PTPRN2: variants seen among roughly 807,000 people sequenced by gnomAD.
The protein encoded by PTPRN2 is receptor-type tyrosine-protein phosphatase N2.
PTPRN2 carries 74 observed loss-of-function variants against 118.8 expected under a neutral mutation model. The ratio of observed to expected loss-of-function variants is 0.62; its 90% CI spans 0.52 to 0.76. The LOEUF is 0.76. Ranked by LOEUF, PTPRN2 falls within the 30% of genes least tolerant of loss-of-function variation. PTPRN2 has a pLI of 0.00. For missense variants in PTPRN2, 1,481 were observed against 1,394.4 expected (o/e 1.06, Z -0.99); for synonymous variants, 641 against 608.0 (o/e 1.05, Z -0.80).
At chr7:158,053,781 A>G (rs1436080478) in intron 11 of PTPRN2, among the ~76,000 whole-genome samples, 1 of 150,684 alleles carries the variant, frequency 6.6e-6, no homozygotes, top group Non-Finnish European at 1.5e-5. Flanking sequence ...CCAGAAATGC[A>G]GAGACTCCAG....
intron 11 of PTPRN2, among the ~76,000 whole-genome samples, chr7:158,076,745 C>T (rs1267260028): frequency 1.3e-5 from 2 of 152,200 alleles, no homozygotes; most frequent in Non-Finnish European, 2.9e-5. Context: ...GCCAGCTTCT[C>T]TGTGGAGCCT....
chr7:157,947,170 G>C (rs935220881), intron 11 of PTPRN2, among the ~76,000 whole-genome samples: 1 of 151,664 alleles, frequency 6.6e-6, no homozygotes, highest in African/African-American at 2.4e-5. Context: ...TGTCAAAGGG[G>C]TACTTCTTCC....
At chr7:158,384,965 C>T (rs930346954) in intron 2 of PTPRN2, among the ~76,000 whole-genome samples, 2 of 152,124 alleles carry the variant, frequency 1.3e-5, no homozygotes, top group Middle Eastern at 3.4e-3. Context: ...ATCACCTGCC[C>T]GCCCCCACAG....
intron 2 of PTPRN2, among the ~76,000 whole-genome samples, chr7:158,366,083 GCACA>G (rs751087936): frequency 1.2e-5 from 1 of 84,656 alleles, no homozygotes; most frequent in Non-Finnish European, 2.3e-5. Flanking sequence ...ACACACACAC[GCACA>G]CACACACAGC....
intron 11 of PTPRN2, among the ~76,000 whole-genome samples, chr7:158,055,059 T>C (rs550985544): frequency 1.3e-5 from 2 of 152,312 alleles, no homozygotes; most frequent in South Asian, 2.1e-4. Context: ...TAATAAAATA[T>C]GTAAAATAAG....
intron 12 of PTPRN2, among the ~76,000 whole-genome samples, chr7:157,717,249 C>T (rs1011256199): frequency 1.8e-4 from 27 of 152,270 alleles, no homozygotes; most frequent in African/African-American, 5.1e-4. Context: ...CACTTATTCA[C>T]GGTCCTGAAC....
chr7:157,701,557 C>T (rs1798066157), intron 12 of PTPRN2, among the ~76,000 whole-genome samples: 1 of 152,182 alleles, frequency 6.6e-6, no homozygotes, highest in Non-Finnish European at 1.5e-5. Context: ...TCCGGCAGCT[C>T]CAGATGCACC....
chr7:158,490,659 C>T (rs1821383220), intron 1 of PTPRN2, among the ~76,000 whole-genome samples: 1 of 152,234 alleles, frequency 6.6e-6, no homozygotes, highest in South Asian at 2.1e-4. Context: ...GGAGTCGCAC[C>T]GCCAGCAAAG....
intron 3 of PTPRN2, among the ~76,000 whole-genome samples, chr7:158,290,925 A>T (rs571120152): frequency 2.0e-5 from 3 of 152,294 alleles, no homozygotes; most frequent in African/African-American, 7.2e-5. Context: ...ACGAATGTTG[A>T]CTATGTGACT....
chr7:158,009,626 C>T (rs1805898834), intron 11 of PTPRN2, among the ~76,000 whole-genome samples: 4 of 152,150 alleles, frequency 2.6e-5, no homozygotes, highest in Admixed American at 2.0e-4. Context: ...AAAACCACGA[C>T]ATCAAGCTGA....
intron 2 of PTPRN2, among the ~76,000 whole-genome samples, chr7:158,485,014 G>A (rs1820903976): frequency 6.6e-6 from 1 of 152,036 alleles, no homozygotes; most frequent in Non-Finnish European, 1.5e-5. Context: ...CGCTGTTGCT[G>A]TGGCCCCGGC....
At chr7:157,592,007 C>T (rs2150556834) in intron 17 of PTPRN2, among the ~76,000 whole-genome samples, 1 of 152,300 alleles carries the variant, frequency 6.6e-6, no homozygotes, top group Admixed American at 6.5e-5. Flanking sequence ...GCCATGAGCT[C>T]TTGTCTTAGA....
chr7:158,519,466 G>A (rs1276577590), intron 1 of PTPRN2, among the ~76,000 whole-genome samples: 1 of 152,188 alleles, frequency 6.6e-6, no homozygotes, highest in African/African-American at 2.4e-5. Flanking sequence ...ATCTGCAGGT[G>A]GCTCTCAGGG....
intron 2 of PTPRN2, among the ~76,000 whole-genome samples, chr7:158,333,717 C>A (rs1463854772): frequency 1.4e-5 from 2 of 147,028 alleles, no homozygotes; most frequent in Non-Finnish European, 3.0e-5. Context: ...GAGCTGAGGC[C>A]CACAGAGGTC....
At chr7:158,276,344 CCCGACAGG>C (rs1461012378) in intron 3 of PTPRN2, among the ~76,000 whole-genome samples, 4 of 52,878 alleles carry the variant, frequency 7.6e-5, no homozygotes, top group Admixed American at 2.0e-4. Context: ...GCACCCCGGC[CCCGACAGG>C]CTGTAAGGCA....
chr7:158,539,756 G>A (rs1825868789), intron 1 of PTPRN2: 1 of 257,692 alleles, frequency 3.9e-6, no homozygotes, highest in African/African-American at 2.3e-5. Context: ...ATGACAGCTG[G>A]AACCGGACGG....
At chr7:158,160,676 G>C (rs1017443842) in intron 6 of PTPRN2, among the ~76,000 whole-genome samples, 2 of 152,174 alleles carry the variant, frequency 1.3e-5, no homozygotes, top group African/African-American at 4.8e-5. Flanking sequence ...GGGTATTTCA[G>C]ATGCCTGCAG....
At chr7:157,989,082 A>G (rs949708699) in intron 11 of PTPRN2, among the ~76,000 whole-genome samples, 1 of 152,230 alleles carries the variant, frequency 6.6e-6, no homozygotes, top group Admixed American at 6.5e-5. Flanking sequence ...TGGAGGCTGA[A>G]TGGGCAAGAA....
chr7:158,178,577 T>C (rs1012378713), intron 5 of PTPRN2, among the ~76,000 whole-genome samples: 1 of 146,848 alleles, frequency 6.8e-6, no homozygotes, highest in African/African-American at 2.5e-5. Context: ...ATATATATAC[T>C]ACATTTTCTT....
Sources: allele counts gnomAD v4.1 joint callset (sites outside exome capture counted in the v4.1 genomes callset), GRCh38; gene constraint gnomAD v4.1.1; transcripts MANE v1.5; gene names NCBI Gene and HGNC (gene_info 2026-07-23, HGNC 2026-07-21).